BICD1: variants seen among roughly 807,000 people sequenced by gnomAD.
The protein encoded by BICD1 is protein bicaudal D homolog 1.
A neutral mutation model predicts 92.5 loss-of-function variants in BICD1; 35 were observed. That is an observed-to-expected ratio of 0.38 (90% confidence interval 0.29 to 0.50). BICD1 has a LOEUF of 0.50. Among genes scored for constraint, BICD1 ranks in the 20% least tolerant of loss-of-function variants. BICD1 has a pLI of 0.93. For synonymous variants in BICD1, 429 were observed against 465.1 expected (o/e 0.92, Z 1.00); for missense variants, 950 against 1,189.8 (o/e 0.80, Z 2.97).
chr12:32,108,544 T>C, intron 1 of BICD1: 1 of 589,316 alleles, frequency 1.7e-6, no homozygotes, highest in Non-Finnish European at 3.0e-6. Flanking sequence ...TCCTTTTCTG[T>C]GTGTCAAGTC....
intron 1 of BICD1, chr12:32,108,204 G>T (rs1292411643): frequency 5.4e-6 from 1 of 186,606 alleles, no homozygotes; most frequent in Non-Finnish European, 1.1e-5. Flanking sequence ...AGAAAAAATT[G>T]AACTCACCTA....
At chr12:32,177,793 A>ATATTT (rs1944158878) in intron 1 of BICD1, among the ~76,000 whole-genome samples, 1 of 73,316 alleles carries the variant, frequency 1.4e-5, no homozygotes, top group Non-Finnish European at 3.0e-5. Flanking sequence ...ATATTTATAA[A>ATATTT]AATATAAATA....
chr12:32,182,677 G>GT (rs1286727758), intron 1 of BICD1, among the ~76,000 whole-genome samples: 1 of 151,622 alleles, frequency 6.6e-6, no homozygotes, highest in Non-Finnish European at 1.5e-5. Flanking sequence ...GTCTGGCATT[G>GT]TGCATAATAA....
intron 4 of BICD1, among the ~76,000 whole-genome samples, chr12:32,322,297 C>T (rs906934435): frequency 4.6e-5 from 7 of 151,964 alleles, no homozygotes; most frequent in African/African-American, 1.5e-4. Flanking sequence ...TCAGCAGAAA[C>T]GTATTAAATA....
intron 2 of BICD1, among the ~76,000 whole-genome samples, chr12:32,223,597 C>T (rs1442860673): frequency 6.6e-6 from 1 of 151,678 alleles, no homozygotes; most frequent in Admixed American, 6.6e-5. Context: ...CTATCCAGAC[C>T]TTTCTTCATG....
At chr12:32,200,280 T>C (rs1263333182) in intron 1 of BICD1, among the ~76,000 whole-genome samples, 1 of 152,176 alleles carries the variant, frequency 6.6e-6, no homozygotes, top group Non-Finnish European at 1.5e-5. Flanking sequence ...ATAACATATT[T>C]TTAAGTCAGG....
intron 1 of BICD1, among the ~76,000 whole-genome samples, chr12:32,198,326 C>CTATATG (rs1233094983): frequency 1.8e-5 from 2 of 112,250 alleles, no homozygotes; most frequent in African/African-American, 7.1e-5. Context: ...TAATATGCAT[C>CTATATG]TATCTATATA....
At chr12:32,296,104 T>C (rs1947860263) in intron 3 of BICD1, among the ~76,000 whole-genome samples, 1 of 151,624 alleles carries the variant, frequency 6.6e-6, no homozygotes. Context: ...TGAATCCCCA[T>C]ATGTGTGCTG....
rs1031147151 is a variant in BICD1, at chr12:32,383,075, T to C, written c.*5448T>C. On this transcript the variant is annotated 3_prime_UTR_variant, in exon 10 of 10. Transcript: ENST00000652176. ...ATGATTATGCTTATGTGATGAACCA[T>C]CCATGATTCTGATATTGTATTTCTT... 1.3e-5 allele frequency: 2 copies of C among 152,126 alleles called. No homozygotes were observed. The highest frequency in any genetic ancestry group is 6.5e-5 in the Admixed American group (1 of 15,278). The allele number at this position is 152,126 out of a possible 1,614,324, so 9.4% of individuals were successfully genotyped here. A position where few individuals can be genotyped will look rare whatever the true frequency, so the allele number is the denominator to read the frequency against.
At chr12:32,243,264 A>ATTCTTTTTTTTTT (rs1946282839) in intron 2 of BICD1, among the ~76,000 whole-genome samples, 1 of 74,030 alleles carries the variant, frequency 1.4e-5, no homozygotes, top group Non-Finnish European at 2.4e-5. Context: ...TGCCTGGCTA[A>ATTCTTTTTTTTTT]TTTTTTTTTT....
chr12:32,113,089 T>C (rs1241169415), intron 1 of BICD1, among the ~76,000 whole-genome samples: 1 of 152,140 alleles, frequency 6.6e-6, no homozygotes, highest in East Asian at 1.9e-4. Context: ...ATATGAAATA[T>C]CTCTGCCAAG....
intron 1 of BICD1, among the ~76,000 whole-genome samples, chr12:32,111,998 T>TC (rs1481195814): frequency 7.2e-6 from 1 of 139,548 alleles, no homozygotes; most frequent in African/African-American, 2.7e-5. Context: ...ACTTGCACTA[T>TC]CCCTTTTTTT....
intron 2 of BICD1, among the ~76,000 whole-genome samples, chr12:32,239,278 A>G (rs1275672706): frequency 1.4e-5 from 2 of 141,976 alleles, no homozygotes; most frequent in Non-Finnish European, 3.1e-5. Context: ...AAAGAAAGGA[A>G]ATTGTTGGCC....
rs117255296 is a variant in BICD1 at position 32,243,561 on chromosome 12, T to C, written c.426+27102T>C. Among the ~76,000 whole-genome samples, 58 of 152,278 alleles carry C rather than the reference T, an allele frequency of 3.8e-4. No homozygotes were observed. In the East Asian group the frequency reaches 9.1e-3, roughly 24 times the overall value. On this transcript the variant is annotated intron_variant, in intron 2 of 9. Transcript: ENST00000652176. ...CACATTTGTTAGGTTTTAATGTTTCTACTACTTGTGTGTGCCAAAAAATTA... is the reference window on the plus strand; with the variant it reads ...CACATTTGTTAGGTTTTAATGTTTCCACTACTTGTGTGTGCCAAAAAATTA...
chr12:32,377,652 C>T lies in BICD1; in HGVS notation c.*25C>T, dbSNP rs753326800. On this transcript the variant is annotated 3_prime_UTR_variant, in exon 10 of 10. Transcript: ENST00000652176. ...GTCTTCATCTCCTGTGGACGAACAT[C>T]TGGGGTGGAAGTTTTGTAGCCACAC... is the stretch of plus-strand genomic sequence containing the variant. 2.2e-5 allele frequency: 35 copies of T among 1,590,398 alleles called. No individual in the cohort carries two copies. The highest frequency in any genetic ancestry group is 2.9e-5 in the Non-Finnish European group (34 of 1,158,628).
chr12:32,116,878 C>T (rs766967371), intron 1 of BICD1, among the ~76,000 whole-genome samples: 1 of 152,112 alleles, frequency 6.6e-6, no homozygotes, highest in South Asian at 2.1e-4. Context: ...CTGTGCCTGG[C>T]CTTCTACATT....
chr12:32,216,125 C>CGG (rs1427816246), intron 1 of BICD1, 122 bp from the exon 2 acceptor site: 1 of 815,286 alleles, frequency 1.2e-6, no homozygotes, highest in Non-Finnish European at 1.9e-6. Flanking sequence ...TGTTATATTT[C>CGG]GGGGGTCTTG....
intron 4 of BICD1, among the ~76,000 whole-genome samples, chr12:32,316,290 T>C (rs1046335168): frequency 6.6e-6 from 1 of 151,852 alleles, no homozygotes; most frequent in Non-Finnish European, 1.5e-5. Flanking sequence ...TATTTTCTTT[T>C]TTTTTTTCTT....
intron 9 of BICD1, among the ~76,000 whole-genome samples, chr12:32,374,734 ATTT>A (rs1179747608): frequency 0.29 from 23,164 of 79,906 alleles, 2,108 homozygotes; most frequent in East Asian, 0.37. Flanking sequence ...CGCCCGGCTA[ATTT>A]TTTTTTTTTT....
Sources: gnomAD v4.1 joint callset for allele counts (sites outside exome capture counted in the v4.1 genomes callset) on GRCh38, gnomAD v4.1.1 for gene constraint, MANE v1.5 for transcripts, NCBI Gene and HGNC (gene_info 2026-07-23, HGNC 2026-07-21) for gene names.